Variants in ATRNL1 observed in about 807,000 individuals in gnomAD.
ATRNL1 encodes attractin-like protein 1.
In ATRNL1, 95 loss-of-function variants were observed where a neutral mutation model predicts 182.7. That is an observed-to-expected ratio of 0.52 (90% CI 0.44 to 0.62). The LOEUF is 0.62. Ranked by LOEUF, ATRNL1 falls within the 20% of genes least tolerant of loss-of-function variation. ATRNL1 has a pLI of 0.00. For synonymous variants in ATRNL1, 576 were observed against 568.3 expected, an observed-to-expected ratio of 1.01 and a Z score of -0.19; for missense variants, 1,471 against 1,679.5, an observed-to-expected ratio of 0.88 and a Z score of 2.17.
intron 27 of ATRNL1, among the ~76,000 whole-genome samples, chr10:115,748,639 C>T (rs146191866): frequency 6.6e-6 from 1 of 151,838 alleles, no homozygotes; most frequent in East Asian, 1.9e-4. Context: ...TCTCATAAAA[C>T]ATTTTCACCC....
chr10:115,371,427 G>C (rs1857389418), intron 19 of ATRNL1, among the ~76,000 whole-genome samples: 1 of 152,240 alleles, frequency 6.6e-6, no homozygotes. Flanking sequence ...AGCCACAGGA[G>C]CAGAGCTGCT....
At chr10:115,171,514 G>C in intron 8 of ATRNL1, 1 of 384,606 alleles carries the variant, frequency 2.6e-6, no homozygotes, top group Non-Finnish European at 4.6e-6. Context: ...TTACTTAATA[G>C]TCTCATTTTC....
chr10:115,801,243 T>G (rs1408641679), intron 27 of ATRNL1, among the ~76,000 whole-genome samples: 1 of 152,188 alleles, frequency 6.6e-6, no homozygotes, highest in Admixed American at 6.5e-5. Flanking sequence ...CTTTAAATGA[T>G]TGCCTGTTTT....
At chr10:115,356,093 G>C (rs1356411376) in intron 19 of ATRNL1, among the ~76,000 whole-genome samples, 1 of 151,908 alleles carries the variant, frequency 6.6e-6, no homozygotes, top group Non-Finnish European at 1.5e-5. Context: ...GAGACTCAAG[G>C]GTAGTAAAAA....
At chr10:115,431,593 C>G (rs1312856797) in intron 21 of ATRNL1, among the ~76,000 whole-genome samples, 1 of 151,904 alleles carries the variant, frequency 6.6e-6, no homozygotes, top group Admixed American at 6.6e-5. Flanking sequence ...CCCTTTACTA[C>G]TTTTATGTAT....
intron 25 of ATRNL1, among the ~76,000 whole-genome samples, chr10:115,548,394 T>C (rs893303700): frequency 6.6e-6 from 1 of 152,154 alleles, no homozygotes; most frequent in African/African-American, 2.4e-5. Context: ...GAGTGGAAAG[T>C]GTCAAAAATT....
intron 26 of ATRNL1, among the ~76,000 whole-genome samples, chr10:115,623,663 TG>T (rs1441979803): frequency 2.6e-5 from 4 of 151,944 alleles, no homozygotes; most frequent in African/African-American, 4.8e-5. Context: ...AATTAAATAG[TG>T]GGGGTAAACA....
intron 28 of ATRNL1, among the ~76,000 whole-genome samples, chr10:115,851,493 C>A (rs1359962303): frequency 1.3e-5 from 2 of 152,020 alleles, no homozygotes; most frequent in African/African-American, 4.8e-5. Flanking sequence ...GTGTGAACTC[C>A]CTTCCTTATG....
chr10:115,909,258 T>C (rs1295278696), intron 28 of ATRNL1: 4 of 152,128 alleles, frequency 2.6e-5, no homozygotes, highest in African/African-American at 4.8e-5. Flanking sequence ...GCAGCTGTGA[T>C]ATCCTCCTCC....
At chr10:115,394,398 A>G (rs1248501139) in intron 19 of ATRNL1, among the ~76,000 whole-genome samples, 1 of 151,988 alleles carries the variant, frequency 6.6e-6, no homozygotes, top group Non-Finnish European at 1.5e-5. Flanking sequence ...AGAGAAGCCC[A>G]AAGAAGAATT....
intron 5 of ATRNL1, among the ~76,000 whole-genome samples, chr10:115,135,524 C>T (rs1370402767): frequency 3.9e-5 from 6 of 151,920 alleles, no homozygotes; most frequent in African/African-American, 9.7e-5. Flanking sequence ...CACTGCTCAA[C>T]GAAATAAAAG....
chr10:115,703,413 A>T (rs1187951209), intron 26 of ATRNL1, among the ~76,000 whole-genome samples: 1 of 152,030 alleles, frequency 6.6e-6, no homozygotes, highest in East Asian at 1.9e-4. Context: ...GACAAGTCAG[A>T]TCTAATTAAA....
chr10:115,192,633 A>T (rs1408588615), intron 8 of ATRNL1, among the ~76,000 whole-genome samples: 7 of 152,068 alleles, frequency 4.6e-5, no homozygotes, highest in African/African-American at 1.7e-4. Flanking sequence ...GAAGAATGTC[A>T]TTAGTATTTT....
At chr10:115,347,217 T>A (rs1473268500) in intron 19 of ATRNL1, among the ~76,000 whole-genome samples, 1 of 152,182 alleles carries the variant, frequency 6.6e-6, no homozygotes, top group African/African-American at 2.4e-5. Flanking sequence ...GAATAATAGA[T>A]GCCTGTTGTA....
chr10:115,366,636 T>C (rs1412502918), intron 19 of ATRNL1, among the ~76,000 whole-genome samples: 1 of 150,550 alleles, frequency 6.6e-6, no homozygotes, highest in African/African-American at 2.4e-5. Flanking sequence ...CATTTTGGCA[T>C]GATTTTGCAG....
intron 26 of ATRNL1, among the ~76,000 whole-genome samples, chr10:115,666,403 A>G (rs1291170982): frequency 2.0e-5 from 3 of 152,154 alleles, no homozygotes; most frequent in Non-Finnish European, 2.9e-5. Flanking sequence ...CTTAACACCC[A>G]TTACCGTAGT....
intron 26 of ATRNL1, among the ~76,000 whole-genome samples, chr10:115,567,731 A>T (rs1854151455): frequency 1.3e-5 from 2 of 152,114 alleles, no homozygotes; most frequent in African/African-American, 2.4e-5. Flanking sequence ...ATGTTTCCTA[A>T]TTAGTGAATT....
intron 26 of ATRNL1, among the ~76,000 whole-genome samples, chr10:115,704,730 GC>G (rs1565303294): frequency 6.6e-6 from 1 of 151,716 alleles, no homozygotes; most frequent in Non-Finnish European, 1.5e-5. Flanking sequence ...TACCTGTCTA[GC>G]TTCATTCCCA....
chr10:115,353,113 T>G (rs1403342485), intron 19 of ATRNL1, among the ~76,000 whole-genome samples: 2 of 152,296 alleles, frequency 1.3e-5, no homozygotes, highest in East Asian at 3.9e-4. Context: ...AGTCTAATGG[T>G]GCATTGTTGA....
Sources: gnomAD v4.1 joint callset for allele counts (sites outside exome capture counted in the v4.1 genomes callset) on GRCh38, gnomAD v4.1.1 for gene constraint, MANE v1.5 for transcripts, NCBI Gene and HGNC (gene_info 2026-07-23, HGNC 2026-07-21) for gene names.